Variants in XNDC1N observed in about 807,000 individuals in gnomAD.
XNDC1N encodes the protein protein XNDC1N.
the XNDC1N span, among the ~76,000 whole-genome samples, chr11:71,880,280 T>A: frequency 6.6e-6 from 1 of 152,160 alleles, no homozygotes; most frequent in Non-Finnish European, 1.5e-5. Flanking sequence ...GTAAAAAAAA[T>A]TTCATCATAT....
At chr11:71,910,485 C>T in the XNDC1N span, among the ~76,000 whole-genome samples, 5 of 152,108 alleles carry the variant, frequency 3.3e-5, no homozygotes, top group Non-Finnish European at 5.9e-5. Context: ...GGCGTGGGCT[C>T]GAGACCTCCA....
chr11:71,896,143 G>T, the XNDC1N span, among the ~76,000 whole-genome samples: 1 of 152,168 alleles, frequency 6.6e-6, no homozygotes, highest in East Asian at 1.9e-4. Context: ...GTCGGGCGTG[G>T]TGACCTGTGC....
the XNDC1N span, chr11:71,927,948 C>T: frequency 6.5e-6 from 1 of 154,692 alleles, no homozygotes; most frequent in African/African-American, 2.4e-5. Flanking sequence ...CACAGGCCAT[C>T]CTAGTTCCAT....
the XNDC1N span, among the ~76,000 whole-genome samples, chr11:71,905,715 G>T: frequency 2.0e-5 from 3 of 151,988 alleles, no homozygotes; most frequent in South Asian, 2.1e-4. Flanking sequence ...ATATCACAGG[G>T]TGTACCCTCT....
At chr11:71,917,922 T>A in the XNDC1N span, 176 of 601,818 alleles carry the variant, frequency 2.9e-4, 3 homozygotes, top group East Asian at 4.8e-3. Flanking sequence ...AGGGAGCCAG[T>A]AACTGGAGTG....
At chr11:71,903,139 T>C in the XNDC1N span, 1 of 661,828 alleles carries the variant, frequency 1.5e-6, no homozygotes, top group South Asian at 1.5e-5. Flanking sequence ...TTTACTTGTT[T>C]CCGATTTTTC....
At chr11:71,904,971 AT>A in the XNDC1N span, among the ~76,000 whole-genome samples, 33 of 152,014 alleles carry the variant, frequency 2.2e-4, 1 homozygote, top group Admixed American at 1.8e-3. Context: ...TAGGAGTAAC[AT>A]CCCCCAAGGA....
chr11:71,906,592 G>A, the XNDC1N span, among the ~76,000 whole-genome samples: 1 of 152,198 alleles, frequency 6.6e-6, no homozygotes, highest in East Asian at 1.9e-4. Flanking sequence ...GTGAACTCCC[G>A]CTGGGATATT....
chr11:71,927,332 G>A, the XNDC1N span, among the ~76,000 whole-genome samples: 3 of 152,074 alleles, frequency 2.0e-5, no homozygotes, highest in Non-Finnish European at 4.4e-5. Flanking sequence ...TCAGGAGTTC[G>A]AGACCATGGC....
the XNDC1N span, chr11:71,893,956 G>A: frequency 9.1e-7 from 1 of 1,103,480 alleles, no homozygotes; most frequent in Admixed American, 2.3e-5. Context: ...CAGTTGGATT[G>A]TGTTACAATT....
chr11:71,870,837 A>T, the XNDC1N span, among the ~76,000 whole-genome samples: 1 of 152,166 alleles, frequency 6.6e-6, no homozygotes, highest in Non-Finnish European at 1.5e-5. Context: ...ATGAGATATC[A>T]CCTCACACCT....
At chr11:71,866,631 G>A in the XNDC1N span, among the ~76,000 whole-genome samples, 20 of 152,240 alleles carry the variant, frequency 1.3e-4, no homozygotes, top group African/African-American at 4.6e-4. Flanking sequence ...AGGCATGGTG[G>A]TGGGTGCCTG....
At chr11:71,924,806 A>G in the XNDC1N span, among the ~76,000 whole-genome samples, 1 of 152,196 alleles carries the variant, frequency 6.6e-6, no homozygotes, top group African/African-American at 2.4e-5. Context: ...TTATGCATCC[A>G]TCACCTTACT....
At chr11:71,897,992 G>A in the XNDC1N span, among the ~76,000 whole-genome samples, 2 of 152,304 alleles carry the variant, frequency 1.3e-5, no homozygotes, top group East Asian at 3.9e-4. Context: ...AGACCAGCCT[G>A]GCCATCTTGG....
chr11:71,903,107 C>G, the XNDC1N span: 1 of 603,648 alleles, frequency 1.7e-6, no homozygotes, highest in Non-Finnish European at 3.0e-6. Context: ...ATCCAAAATG[C>G]AGACACAATG....
chr11:71,922,567 T>C, the XNDC1N span, among the ~76,000 whole-genome samples: 11 of 152,158 alleles, frequency 7.2e-5, no homozygotes, highest in South Asian at 4.1e-4. Flanking sequence ...GCTCCCAAAG[T>C]GCTGGAATTA....
chr11:71,919,605 G>GTTTTTTTTGTTT, the XNDC1N span, among the ~76,000 whole-genome samples: 2 of 10,904 alleles, frequency 1.8e-4, no homozygotes, highest in African/African-American at 2.3e-4. Flanking sequence ...GGCCAGGTTG[G>GTTTTTTTTGTTT]TTTTTTTTTT....
the XNDC1N span, among the ~76,000 whole-genome samples, chr11:71,886,630 G>A: frequency 1.1e-4 from 16 of 152,318 alleles, no homozygotes; most frequent in East Asian, 3.9e-4. Flanking sequence ...GATCCTGATA[G>A]CCCTGAAAAT....
chr11:71,874,247 G>A, the XNDC1N span, among the ~76,000 whole-genome samples: 1 of 152,140 alleles, frequency 6.6e-6, no homozygotes, highest in African/African-American at 2.4e-5. Context: ...TTGAACCTGG[G>A]AAGCAGAGGT....
Sources: gnomAD v4.1 joint callset for allele counts (sites outside exome capture counted in the v4.1 genomes callset) on GRCh38, gnomAD v4.1.1 for gene constraint, MANE v1.5 for transcripts, NCBI Gene and HGNC (gene_info 2026-07-23, HGNC 2026-07-21) for gene names.